Variants in IQCJ observed in about 807,000 individuals in gnomAD.
IQCJ encodes IQ domain-containing protein J.
Under a neutral mutation model 11.0 loss-of-function variants are expected in IQCJ, and 9 were observed. The ratio of observed to expected loss-of-function variants is 0.82; its 90% CI spans 0.49 to 1.43. The LOEUF is 1.43. IQCJ is among the 40% of genes most tolerant of loss of function. The probability of loss-of-function intolerance (pLI) is 0.00; values close to 1 mark genes in which losing one functional copy is unlikely to be tolerated. For missense variants in IQCJ, 146 were observed against 133.2 expected (o/e 1.10, Z -0.47); for synonymous variants, 55 against 51.3 (o/e 1.07, Z -0.31).
chr3:159,161,868 C>A (rs1021347990), intron 1 of IQCJ, among the ~76,000 whole-genome samples: 12 of 152,160 alleles, frequency 7.9e-5, no homozygotes, highest in Non-Finnish European at 1.0e-4. Context: ...TCTGAGGGCT[C>A]TGTTCTGTTC....
chr3:159,168,586 G>A (rs530847643), intron 1 of IQCJ, among the ~76,000 whole-genome samples: 1 of 152,178 alleles, frequency 6.6e-6, no homozygotes, highest in East Asian at 1.9e-4. Flanking sequence ...TATTTGAGTA[G>A]GCATGTAAGT....
intron 1 of IQCJ, among the ~76,000 whole-genome samples, chr3:159,149,512 A>T (rs1721093322): frequency 6.6e-6 from 1 of 152,164 alleles, no homozygotes; most frequent in South Asian, 2.1e-4. Flanking sequence ...TTGTATTAGC[A>T]AAACGTTAAA....
At chr3:159,193,808 A>G (rs1723827830) in intron 1 of IQCJ, among the ~76,000 whole-genome samples, 1 of 152,208 alleles carries the variant, frequency 6.6e-6, no homozygotes, top group Admixed American at 6.5e-5. Flanking sequence ...GACGTTGGTC[A>G]GCAGTGAAAT....
chr3:159,209,493 G>A (rs1308200392), intron 1 of IQCJ, among the ~76,000 whole-genome samples: 2 of 152,118 alleles, frequency 1.3e-5, no homozygotes, highest in African/African-American at 4.8e-5. Flanking sequence ...GGTACCAAAA[G>A]GGCAGGGTGT....
At chr3:159,197,914 T>A (rs142631660) in intron 1 of IQCJ, among the ~76,000 whole-genome samples, 70 of 151,962 alleles carry the variant, frequency 4.6e-4, no homozygotes, top group African/African-American at 1.4e-3. Context: ...AAATCAAAAA[T>A]TTTTTTTTAC....
chr3:159,246,540 G>T (rs1252591384), intron 2 of IQCJ, among the ~76,000 whole-genome samples: 1 of 152,092 alleles, frequency 6.6e-6, no homozygotes, highest in Non-Finnish European at 1.5e-5. Flanking sequence ...ACCCGGGTTT[G>T]GTTGCCTCGA....
At chr3:159,174,977 C>T (rs4296631) in intron 1 of IQCJ, among the ~76,000 whole-genome samples, 103,168 of 151,988 alleles carry the variant, frequency 0.68, 35,656 homozygotes, top group African/African-American at 0.81. Context: ...GTTAGCCAAG[C>T]GATTGCCCCA....
chr3:159,260,985 G>T (rs1170405455), intron 3 of IQCJ, among the ~76,000 whole-genome samples: 1 of 152,152 alleles, frequency 6.6e-6, no homozygotes, highest in Non-Finnish European at 1.5e-5. Flanking sequence ...CACTACAGTT[G>T]ATGGACTTTT....
intron 1 of IQCJ, among the ~76,000 whole-genome samples, chr3:159,153,542 G>A (rs760459545): frequency 5.9e-5 from 9 of 152,124 alleles, no homozygotes; most frequent in Non-Finnish European, 1.0e-4. Context: ...TTAGAGATAC[G>A]GCAATGACCA....
At chr3:159,166,645 A>G (rs997712700) in intron 1 of IQCJ, among the ~76,000 whole-genome samples, 1 of 152,198 alleles carries the variant, frequency 6.6e-6, no homozygotes, top group Non-Finnish European at 1.5e-5. Flanking sequence ...AGCAGTGTGC[A>G]TTCGGGAGCA....
intron 3 of IQCJ, among the ~76,000 whole-genome samples, chr3:159,256,942 GA>G: frequency 6.6e-6 from 1 of 152,192 alleles, no homozygotes. Context: ...GGGTTACAAA[GA>G]AGTTATTCTT....
Position 159,147,334 on chromosome 3 carries a change from C to T in IQCJ, c.9+77893C>T, listed in dbSNP as rs142223045. Among the ~76,000 whole-genome samples, 155 of 152,334 alleles carry T rather than the reference C, an allele frequency of 1.0e-3. 1 individual carries two copies. The highest frequency in any genetic ancestry group is 1.8e-3 in the Non-Finnish European group (121 of 68,028). Reference sequence around the variant, plus strand: ...AGCAGGTCGTAAGAAATGTGACCAGCTGATGCTGAGCACTTCCCTTTTCAA... The same window carrying T: ...AGCAGGTCGTAAGAAATGTGACCAGTTGATGCTGAGCACTTCCCTTTTCAA... On this transcript the variant is annotated intron_variant, in intron 1 of 3. Transcript: ENST00000397832.
At position 159,096,496 on chromosome 3, in the gene IQCJ, T is replaced by G. The variant is rs28753207; in HGVS notation, c.9+27055T>G. ...TTTTCTTCTAGGGTTTTTATGGTTT[T>G]AGGTTTAACGTTTAAATCTTTAATC... On this transcript the variant is annotated intron_variant, in intron 1 of 3. Transcript: ENST00000397832. 2.0e-3 allele frequency among the ~76,000 whole-genome samples: 237 copies of G among 116,548 alleles called. 1 individual carries two copies. The highest frequency in any genetic ancestry group is 7.7e-3 in the Middle Eastern group (2 of 260). 76.5% of individuals were successfully genotyped at this position (116,548 alleles called of 152,430 possible). A position where few individuals can be genotyped will look rare whatever the true frequency, so the allele number is the denominator to read the frequency against.
At chr3:159,156,642 G>A (rs537202292) in intron 1 of IQCJ, among the ~76,000 whole-genome samples, 1 of 152,290 alleles carries the variant, frequency 6.6e-6, no homozygotes, top group African/African-American at 2.4e-5. Context: ...CAACACTAAG[G>A]CATTTCTGGA....
chr3:159,084,368 A>G (rs1716558947), intron 1 of IQCJ, among the ~76,000 whole-genome samples: 1 of 152,088 alleles, frequency 6.6e-6, no homozygotes, highest in South Asian at 2.1e-4. Context: ...TTAGAGTGGA[A>G]GAATGGAAGA....
intron 1 of IQCJ, among the ~76,000 whole-genome samples, chr3:159,086,433 G>GT (rs998032719): frequency 1.7e-4 from 26 of 152,294 alleles, no homozygotes; most frequent in African/African-American, 6.3e-4. Context: ...CTTTAAAGTA[G>GT]TTTTTTCCAA....
chr3:159,177,047 A>T (rs1410367812), intron 1 of IQCJ, among the ~76,000 whole-genome samples: 1 of 152,196 alleles, frequency 6.6e-6, no homozygotes, highest in Non-Finnish European at 1.5e-5. Flanking sequence ...GTGGATGTTG[A>T]TCCCAAAAGA....
chr3:159,202,598 G>C (rs1274074790), intron 1 of IQCJ, among the ~76,000 whole-genome samples: 2 of 152,110 alleles, frequency 1.3e-5, no homozygotes, highest in Non-Finnish European at 2.9e-5. Flanking sequence ...TTCCTAATCT[G>C]CACCTCTATT....
intron 1 of IQCJ, among the ~76,000 whole-genome samples, chr3:159,195,636 C>G (rs1723941096): frequency 6.6e-6 from 1 of 152,186 alleles, no homozygotes; most frequent in South Asian, 2.1e-4. Flanking sequence ...TCAGCCTTCT[C>G]TGAACACAGG....
Sources: allele counts gnomAD v4.1 joint callset (sites outside exome capture counted in the v4.1 genomes callset), GRCh38; gene constraint gnomAD v4.1.1; transcripts MANE v1.5; gene names NCBI Gene and HGNC (gene_info 2026-07-23, HGNC 2026-07-21).